The following ZNF652 variants were observed in gnomAD, a reference collection of about 807,000 sequenced individuals.
ZNF652 encodes zinc finger protein 652.
Under a neutral mutation model 45.2 loss-of-function variants are expected in ZNF652, and 16 were observed. That is an observed-to-expected ratio of 0.35 (90% CI 0.24 to 0.54). The LOEUF (loss-of-function observed/expected upper bound fraction) is 0.54. Among genes scored for constraint, ZNF652 ranks in the 20% least tolerant of loss-of-function variants. The pLI is 0.91. For missense variants in ZNF652, 614 were observed against 765.6 expected (o/e 0.80, Z 2.34); for synonymous variants, 250 against 260.6 (o/e 0.96, Z 0.39).
At chr17:49,304,055 A>ATTTT (rs58790188) in intron 5 of ZNF652, among the ~76,000 whole-genome samples, 30,844 of 116,614 alleles carry the variant, frequency 0.26, 4,221 homozygotes, top group South Asian at 0.43. Flanking sequence ...TGCCTGGCTA[A>ATTTT]TTTTTTTTTT....
rs577623830 is a variant in ZNF652 at position 49,324,559 on chromosome 17, T to C, written c.-258-6576A>G. Among the ~76,000 whole-genome samples the C allele has an allele frequency of 4.1e-4, 62 of 150,820 alleles. 2 individuals are homozygous for C. The South Asian group carries it at 0.013, about 31-fold the overall frequency. ...GTGTGTACCATCACATCTTGCTAAT[T>C]GTGTATTTTTAGTACAGATGATGTT... is the stretch of plus-strand genomic sequence containing the variant. On this transcript the variant is annotated intron_variant, in intron 1 of 5. Coordinates refer to ENST00000430262, the MANE Select transcript of ZNF652 (RefSeq NM_001145365.3).
At chr17:49,307,498 T>C (rs1230565602) in intron 5 of ZNF652, among the ~76,000 whole-genome samples, 1 of 147,336 alleles carries the variant, frequency 6.8e-6, no homozygotes, top group Non-Finnish European at 1.5e-5. Flanking sequence ...TCCCAGCACT[T>C]TGGGAGGTCA....
rs2069465488 is a variant in ZNF652, at chr17:49,295,827, A to T, written c.*2586T>A. ...CTGGCGCATGCCTGTAATTCCAGCT[A>T]CTCGGGAGGCTGAGGCAGGAGAATC... On this transcript the variant is annotated 3_prime_UTR_variant, in exon 6 of 6. Coordinates refer to ENST00000430262, the MANE Select transcript of ZNF652 (RefSeq NM_001145365.3). The T allele has an allele frequency of 1.3e-5, 2 of 150,724 alleles. 1 individual carries two copies. The allele number at this position is 150,724 out of a possible 1,614,324, so 9.3% of individuals were successfully genotyped here. A position where few individuals can be genotyped will look rare whatever the true frequency, so the allele number is the denominator to read the frequency against.
intron 3 of ZNF652, 112 bp from the exon 4 acceptor site, chr17:49,312,154 T>C (rs1014387102): frequency 2.4e-6 from 1 of 419,266 alleles, no homozygotes; most frequent in Non-Finnish European, 4.2e-6. Context: ...CACTGATTTG[T>C]GAGGCTTTTT....
At chr17:49,305,175 A>G (rs2069611901) in intron 5 of ZNF652, among the ~76,000 whole-genome samples, 1 of 152,124 alleles carries the variant, frequency 6.6e-6, no homozygotes, top group Admixed American at 6.6e-5. Flanking sequence ...CCAATCAATC[A>G]CCAAGTTCAT....
chr17:49,313,733 G>A (rs940080194), intron 2 of ZNF652, among the ~76,000 whole-genome samples: 4 of 151,550 alleles, frequency 2.6e-5, no homozygotes, highest in South Asian at 2.1e-4. Context: ...AGCATTTCGG[G>A]AGGCCAAGAC....
chr17:49,362,004 C>T lies in ZNF652; in HGVS notation c.-354G>A, dbSNP rs1484746737. On this transcript the variant is annotated 5_prime_UTR_variant, in exon 1 of 6. Transcript: ENST00000430262. Reference sequence around the variant, plus strand: ...GCAGCCGCGGCGCTCGAGTCACAACCGCCGGCTGGGCCAGCCCCTCCCCCC... The same window carrying T: ...GCAGCCGCGGCGCTCGAGTCACAACTGCCGGCTGGGCCAGCCCCTCCCCCC... The T allele has an allele frequency of 6.7e-6, 1 of 149,554 alleles. No individual in the cohort carries two copies. The highest frequency in any genetic ancestry group is 2.4e-5 in the African/African-American group (1 of 41,158). 9.3% of individuals were successfully genotyped at this position (149,554 alleles called of 1,614,324 possible).
At chr17:49,324,964 C>T (rs2069941188) in intron 1 of ZNF652, among the ~76,000 whole-genome samples, 1 of 151,954 alleles carries the variant, frequency 6.6e-6, no homozygotes, top group Non-Finnish European at 1.5e-5. Context: ...TGGTCTCGAA[C>T]TCCTGACCTC....
At position 49,294,687 on chromosome 17, in the gene ZNF652, T is replaced by C. The variant is rs1022784595; in HGVS notation, c.*3726A>G. ...CAAACCAACCCACACACACAAAAAATACAATGCCAACTCATCCTCAAATAA... is the reference window on the plus strand; with the variant it reads ...CAAACCAACCCACACACACAAAAAACACAATGCCAACTCATCCTCAAATAA... On this transcript the variant is annotated 3_prime_UTR_variant, in exon 6 of 6. Coordinates refer to ENST00000430262, the MANE Select transcript of ZNF652 (RefSeq NM_001145365.3). 12 of 152,082 alleles carry C rather than the reference T, an allele frequency of 7.9e-5. No homozygotes were observed. The highest frequency in any genetic ancestry group is 3.3e-4 in the Admixed American group (5 of 15,266). 9.4% of individuals were successfully genotyped at this position (152,082 alleles called of 1,614,324 possible).
chr17:49,300,844 G>T (rs928149578), intron 5 of ZNF652, among the ~76,000 whole-genome samples: 1 of 152,170 alleles, frequency 6.6e-6, no homozygotes. Flanking sequence ...CACAGTGACT[G>T]TATGAGGCAG....
intron 5 of ZNF652, among the ~76,000 whole-genome samples, chr17:49,305,433 C>T (rs148171854): frequency 0.057 from 8,580 of 151,782 alleles, 326 homozygotes; most frequent in Middle Eastern, 0.14. Context: ...GGTGACACAG[C>T]GAGACTCTGT....
In ZNF652 at chr17:49,296,302, T is replaced by C. The variant is rs1450043501; in HGVS notation, c.*2111A>G. On this transcript the variant is annotated 3_prime_UTR_variant, in exon 6 of 6. Transcript: ENST00000430262. ...TCTGCCTCATTCCAAAATTTTCCTA[T>C]GCTCATTATATAAGACAGGCAAAAT... 2 of 152,554 alleles carry C rather than the reference T, an allele frequency of 1.3e-5. No individual in the cohort carries two copies. Among genetic ancestry groups the C allele is most frequent in the Non-Finnish European group, 2.9e-5 (2 of 68,042 alleles). 9.5% of individuals were successfully genotyped at this position (152,554 alleles called of 1,614,324 possible). A position where few individuals can be genotyped will look rare whatever the true frequency, so the allele number is the denominator to read the frequency against.
intron 1 of ZNF652, among the ~76,000 whole-genome samples, chr17:49,358,053 G>A (rs1176847247): frequency 6.6e-6 from 1 of 152,122 alleles, no homozygotes; most frequent in Non-Finnish European, 1.5e-5. Context: ...CATGTATTGA[G>A]TCTCTAATAT....
Position 49,311,433 on chromosome 17 carries a change from G to A in ZNF652, c.1188C>T (p.Tyr396=), listed in dbSNP as rs1413113533. ...TCATGTGGGAGCGTAGCTGGTACTT[G>A]TACTGAAACCTTTCGTCACAGTTCT... ...RCENCDERFQ[Y]KYQLRSHMSI... Residue 396 remains tyrosine (Y), a synonymous_variant, in exon 5 of 6, where the codon TAC becomes TAT. Transcript: ENST00000430262. 3.7e-6 allele frequency: 6 copies of A among 1,613,982 alleles called. No individual in the cohort carries two copies. Among genetic ancestry groups the A allele is most frequent in the Non-Finnish European group, 4.2e-6 (5 of 1,179,970 alleles).
intron 1 of ZNF652, among the ~76,000 whole-genome samples, chr17:49,329,237 TTC>T (rs1357313991): frequency 2.6e-5 from 4 of 152,256 alleles, no homozygotes; most frequent in Non-Finnish European, 5.9e-5. Context: ...TTAGTTCATC[TTC>T]TTGCAACAAA....
At chr17:49,344,389 T>C (rs1214639028) in intron 1 of ZNF652, among the ~76,000 whole-genome samples, 1 of 151,662 alleles carries the variant, frequency 6.6e-6, no homozygotes, top group Admixed American at 6.6e-5. Context: ...AAAAATTTAT[T>C]CCCCTTCACT....
At chr17:49,314,801 A>C (rs2069775721) in intron 2 of ZNF652, among the ~76,000 whole-genome samples, 1 of 152,192 alleles carries the variant, frequency 6.6e-6, no homozygotes, top group South Asian at 2.1e-4. Flanking sequence ...AGAAGAGTTA[A>C]AAGATAAACC....
At chr17:49,316,731 C>T (rs559207592) in intron 2 of ZNF652, 95 bp downstream of exon 2, 174 of 1,287,170 alleles carry the variant, frequency 1.4e-4, no homozygotes, top group Non-Finnish European at 1.7e-4. Flanking sequence ...GTCCCTTCAG[C>T]CTCTATTGCA....
rs2069422201 is a variant in ZNF652 at position 49,292,874 on chromosome 17, A to T, written c.*5539T>A. 6.6e-6 allele frequency among the ~76,000 whole-genome samples: 1 copy of T among 152,228 alleles called. No homozygotes were observed. Among genetic ancestry groups the T allele is most frequent in the African/African-American group, 2.4e-5 (1 of 41,476 alleles). On this transcript the variant is annotated 3_prime_UTR_variant, in exon 6 of 6. Transcript: ENST00000430262. ...GGTCAAAATTCTTGTCCAAGGTTTTAGCTAGTTTGTAGAGTTAAGCCCATT... is the reference window on the plus strand; with the variant it reads ...GGTCAAAATTCTTGTCCAAGGTTTTTGCTAGTTTGTAGAGTTAAGCCCATT...
Sources: gnomAD v4.1 joint callset for allele counts (sites outside exome capture counted in the v4.1 genomes callset) on GRCh38, gnomAD v4.1.1 for gene constraint, MANE v1.5 for transcripts, NCBI Gene and HGNC (gene_info 2026-07-23, HGNC 2026-07-21) for gene names.